The following GPC5 variants were observed in gnomAD, a reference collection of about 807,000 sequenced individuals.
GPC5 encodes the protein glypican-5.
Under a neutral mutation model 53.9 loss-of-function variants are expected in GPC5, and 47 were observed. The observed-to-expected ratio is 0.87, with a 90% CI of 0.69 to 1.11. The LOEUF (loss-of-function observed/expected upper bound fraction) is 1.11, where lower values mean the gene tolerates loss of function less well. GPC5 is among the 50% of genes most tolerant of loss of function. The pLI is 0.00. For synonymous variants in GPC5, 286 were observed against 263.3 expected, an observed-to-expected ratio of 1.09 and a Z score of -0.84; for missense variants, 748 against 713.1, an observed-to-expected ratio of 1.05 and a Z score of -0.56.
chr13:92,698,133 T>A (rs1006820969), intron 7 of GPC5, among the ~76,000 whole-genome samples: 4 of 152,192 alleles, frequency 2.6e-5, no homozygotes, highest in African/African-American at 9.7e-5. Flanking sequence ...ACATCGATGT[T>A]CATCAGGGAT....
At chr13:92,563,429 C>G (rs1237840510) in intron 7 of GPC5, among the ~76,000 whole-genome samples, 2 of 151,894 alleles carry the variant, frequency 1.3e-5, no homozygotes, top group Non-Finnish European at 2.9e-5. Flanking sequence ...TTTTTTAATG[C>G]AGTTTTCTCT....
intron 7 of GPC5, among the ~76,000 whole-genome samples, chr13:92,543,502 GT>G (rs377744250): frequency 2.2e-4 from 34 of 152,056 alleles, no homozygotes; most frequent in African/African-American, 8.2e-4. Context: ...TTCTCAGAAA[GT>G]AGGGTACTGC....
chr13:92,403,492 C>CATTAGATTATCATGGCATTAGATTA (rs1875651275), intron 7 of GPC5, among the ~76,000 whole-genome samples: 1 of 152,158 alleles, frequency 6.6e-6, no homozygotes, highest in Non-Finnish European at 1.5e-5. Flanking sequence ...AACACAAACC[C>CATTAGATTATCATGGCATTAGATTA]TATTGTGAGC....
At chr13:91,736,965 A>ATT (rs779902515) in intron 4 of GPC5, among the ~76,000 whole-genome samples, 1 of 149,672 alleles carries the variant, frequency 6.7e-6, no homozygotes, top group Non-Finnish European at 1.5e-5. Context: ...TATTATTATT[A>ATT]TTATTATTTT....
chr13:91,824,156 C>A (rs1270493586), intron 5 of GPC5, among the ~76,000 whole-genome samples: 1 of 151,966 alleles, frequency 6.6e-6, no homozygotes, highest in Non-Finnish European at 1.5e-5. Flanking sequence ...ATGCATAAGA[C>A]AGTATACTAT....
intron 7 of GPC5, among the ~76,000 whole-genome samples, chr13:92,315,462 GC>G (rs760284327): frequency 8.5e-5 from 13 of 152,108 alleles, no homozygotes; most frequent in Non-Finnish European, 1.6e-4. Flanking sequence ...AGTGATTTGG[GC>G]ATCAGGGTTT....
intron 5 of GPC5, among the ~76,000 whole-genome samples, chr13:91,814,003 G>T (rs549483139): frequency 6.7e-4 from 92 of 137,608 alleles, no homozygotes; most frequent in African/African-American, 2.4e-3. Context: ...CGTGATCTCG[G>T]CTCACTGCAA....
intron 6 of GPC5, among the ~76,000 whole-genome samples, chr13:92,078,471 A>G (rs1171536210): frequency 6.6e-6 from 1 of 152,188 alleles, no homozygotes. Context: ...TAATACACGT[A>G]AAATACCTAG....
At chr13:92,184,545 C>G (rs560951854) in intron 7 of GPC5, among the ~76,000 whole-genome samples, 7 of 152,164 alleles carry the variant, frequency 4.6e-5, no homozygotes, top group Non-Finnish European at 1.0e-4. Context: ...TAAGAGCAAC[C>G]TTCCAATCAT....
rs189694203 is a variant in GPC5 at position 92,582,330 on chromosome 13, C to A, written c.1562-283952C>A. 2.4e-3 allele frequency among the ~76,000 whole-genome samples: 360 copies of A among 151,972 alleles called. 1 individual carries two copies. The highest frequency in any genetic ancestry group is 8.4e-3 in the African/African-American group (347 of 41,480). On this transcript the variant is annotated intron_variant, in intron 7 of 7. Transcript: ENST00000377067. Reference sequence around the variant, plus strand: ...CATTCCCCATTGTGTGTTTTTGGTACCTTTATTGAAAATCAATTGACCAAA... The same window carrying A: ...CATTCCCCATTGTGTGTTTTTGGTAACTTTATTGAAAATCAATTGACCAAA...
intron 6 of GPC5, among the ~76,000 whole-genome samples, chr13:92,071,679 A>G (rs1398135771): frequency 2.0e-5 from 3 of 151,638 alleles, no homozygotes; most frequent in African/African-American, 4.8e-5. Context: ...AATTTCTTTG[A>G]GTATTTCTAA....
chr13:92,271,986 T>C (rs2042842944), intron 7 of GPC5, among the ~76,000 whole-genome samples: 1 of 152,176 alleles, frequency 6.6e-6, no homozygotes, highest in Admixed American at 6.5e-5. Flanking sequence ...GAGTCAATCA[T>C]CTGATTGTTT....
chr13:91,931,551 A>G (rs2039821831), intron 6 of GPC5, among the ~76,000 whole-genome samples: 1 of 152,052 alleles, frequency 6.6e-6, no homozygotes, highest in Non-Finnish European at 1.5e-5. Flanking sequence ...CCACTGTGTT[A>G]GTAAACAGCA....
intron 7 of GPC5, among the ~76,000 whole-genome samples, chr13:92,586,518 A>G (rs1024657976): frequency 6.6e-6 from 1 of 152,222 alleles, no homozygotes; most frequent in African/African-American, 2.4e-5. Context: ...TTTGCATTTA[A>G]GCAGCCACTT....
intron 7 of GPC5, among the ~76,000 whole-genome samples, chr13:92,212,391 G>A (rs966351949): frequency 1.3e-5 from 2 of 152,110 alleles, no homozygotes; most frequent in African/African-American, 2.4e-5. Context: ...CAACATGTTA[G>A]AACATGTAAA....
At chr13:92,318,498 G>A (rs1276872481) in intron 7 of GPC5, among the ~76,000 whole-genome samples, 6 of 152,116 alleles carry the variant, frequency 3.9e-5, no homozygotes, top group African/African-American at 7.2e-5. Context: ...TTTTGTGTAT[G>A]TATTGCCTTT....
chr13:92,742,562 C>A (rs1018762155), intron 7 of GPC5, among the ~76,000 whole-genome samples: 10 of 148,716 alleles, frequency 6.7e-5, no homozygotes, highest in African/African-American at 2.4e-4. Flanking sequence ...GTTTCTTTTG[C>A]TGTGCAGAAG....
At chr13:92,743,321 C>T (rs1785341139) in intron 7 of GPC5, among the ~76,000 whole-genome samples, 1 of 151,882 alleles carries the variant, frequency 6.6e-6, no homozygotes, top group Admixed American at 6.6e-5. Context: ...AGTTGGATTC[C>T]TAGGTATTTT....
At chr13:91,915,361 T>C (rs1473291697) in intron 6 of GPC5, among the ~76,000 whole-genome samples, 1 of 152,152 alleles carries the variant, frequency 6.6e-6, no homozygotes, top group African/African-American at 2.4e-5. Flanking sequence ...AAAAATCAAT[T>C]GTCCGCATAA....
Sources: gnomAD v4.1 joint callset for allele counts (sites outside exome capture counted in the v4.1 genomes callset) on GRCh38, gnomAD v4.1.1 for gene constraint, MANE v1.5 for transcripts, NCBI Gene and HGNC (gene_info 2026-07-23, HGNC 2026-07-21) for gene names.